The following CELF2 variants were observed in gnomAD, a reference collection of about 807,000 sequenced individuals.
CELF2 encodes the protein CUGBP Elav-like family member 2.
CELF2 carries 8 observed loss-of-function variants against 62.6 expected under a neutral mutation model. The observed-to-expected ratio is 0.13, with a 90% CI of 0.07 to 0.23. CELF2 has a LOEUF of 0.23. Ranked by LOEUF, CELF2 falls within the 10% of genes least tolerant of loss-of-function variation. The pLI, the probability that CELF2 is intolerant of heterozygous loss-of-function variation, is 1.00. For synonymous variants in CELF2, 258 were observed against 250.0 expected (o/e 1.03, Z -0.30); for missense variants, 333 against 671.0 (o/e 0.50, Z 5.56).
At chr10:10,829,213 C>T (rs567980362) in intron 1 of CELF2, among the ~76,000 whole-genome samples, 22 of 152,168 alleles carry the variant, frequency 1.4e-4, no homozygotes, top group Non-Finnish European at 2.6e-4. Flanking sequence ...TTCTTCTTCT[C>T]CGCTTTTGAT....
chr10:10,997,297 A>G lies in CELF2; in HGVS notation c.89+77298A>G, dbSNP rs1316269887. Among the ~76,000 whole-genome samples the G allele has an allele frequency of 6.6e-6, 1 of 152,214 alleles. No individual in the cohort carries two copies. Among genetic ancestry groups the G allele is most frequent in the African/African-American group, 2.4e-5 (1 of 41,462 alleles). On this transcript the variant is annotated intron_variant, in intron 2 of 13. Coordinates refer to the CELF2 transcript ENST00000636488. The surrounding 1 kb of genome is among the most constrained non-coding windows in gnomAD (Gnocchi z 5.3). ...AGCCTGAGCAACAGAGCAAGACACC[A>G]TCTCTGAAAAAGTATAAAAAATGAA...
intron 1 of CELF2, among the ~76,000 whole-genome samples, chr10:11,081,776 A>C (rs1423504663): frequency 6.6e-6 from 1 of 152,126 alleles, no homozygotes; most frequent in Non-Finnish European, 1.5e-5. Context: ...AAGGGTTTCT[A>C]GTGTGTATCA....
the CELF2 span, among the ~76,000 whole-genome samples, chr10:10,768,403 G>T: frequency 2.6e-5 from 4 of 152,044 alleles, no homozygotes; most frequent in Admixed American, 6.5e-5. Flanking sequence ...AGTTTGGTTG[G>T]AGCCATGCAG....
the CELF2 span, among the ~76,000 whole-genome samples, chr10:10,501,065 A>G: frequency 6.6e-6 from 1 of 152,224 alleles, no homozygotes; most frequent in Non-Finnish European, 1.5e-5. Context: ...GCTATGATGA[A>G]TTAAGCTGCT....
intron 1 of CELF2, 68 bp downstream of exon 1, chr10:11,018,231 G>GC (rs1255924422): frequency 7.3e-7 from 1 of 1,378,120 alleles, no homozygotes; most frequent in African/African-American, 1.5e-5. Flanking sequence ...GGCGCGAAGG[G>GC]GACGGGCGTC....
At chr10:10,607,121 T>G in the CELF2 span, among the ~76,000 whole-genome samples, 1 of 152,200 alleles carries the variant, frequency 6.6e-6, no homozygotes, top group African/African-American at 2.4e-5. Flanking sequence ...CAAGAGCAAT[T>G]TTGTTTCCTT....
chr10:11,263,620 G>A (rs1371004116), intron 5 of CELF2, among the ~76,000 whole-genome samples: 1 of 152,158 alleles, frequency 6.6e-6, no homozygotes, highest in Non-Finnish European at 1.5e-5. Flanking sequence ...GTAGAAAGGG[G>A]ACAGTTACAA....
At chr10:10,634,010 A>T in the CELF2 span, among the ~76,000 whole-genome samples, 2 of 152,090 alleles carry the variant, frequency 1.3e-5, no homozygotes, top group African/African-American at 4.8e-5. Flanking sequence ...ATTAAGTGTT[A>T]GAGCTTACTT....
At chr10:10,768,344 G>A in the CELF2 span, among the ~76,000 whole-genome samples, 2 of 152,098 alleles carry the variant, frequency 1.3e-5, no homozygotes, top group South Asian at 4.2e-4. Context: ...TGGTAATGTG[G>A]CAGGGACACA....
the CELF2 span, among the ~76,000 whole-genome samples, chr10:10,537,565 C>T: frequency 2.6e-5 from 4 of 152,096 alleles, no homozygotes; most frequent in African/African-American, 2.4e-5. Context: ...TACTTCATAA[C>T]GACCTGGAGG....
chr10:11,330,904 T>TTAAG lies in CELF2; in HGVS notation c.*1853_*1856dup, dbSNP rs886656861. Reference sequence around the variant, plus strand: ...AGTTTGAGAAAAAAACTGTCTGATTTTAAGTCTCTAGAGGTCTGTAATAGT... The same window carrying TTAAG: ...AGTTTGAGAAAAAAACTGTCTGATTTTAAGTAAGTCTCTAGAGGTCTGTAATAGT... On this transcript the variant is annotated 3_prime_UTR_variant, in exon 13 of 13. Coordinates refer to ENST00000633077, the MANE Select transcript of CELF2 (RefSeq NM_001326342.2). This position sits in a 1 kb window ranked among gnomAD's most constrained non-coding sequence, Gnocchi z 4.5. The TTAAG allele has an allele frequency of 1.8e-4, 28 of 152,616 alleles. No homozygotes were observed. The highest frequency in any genetic ancestry group is 5.9e-5 in the Non-Finnish European group (4 of 68,038). 9.5% of individuals were successfully genotyped at this position (152,616 alleles called of 1,614,324 possible). A position where few individuals can be genotyped will look rare whatever the true frequency, so the allele number is the denominator to read the frequency against.
the CELF2 span, among the ~76,000 whole-genome samples, chr10:10,548,722 A>G: frequency 1.3e-5 from 2 of 152,216 alleles, no homozygotes; most frequent in African/African-American, 4.8e-5. Flanking sequence ...ATAGTCATAA[A>G]TAAATGTGTA....
the CELF2 span, among the ~76,000 whole-genome samples, chr10:10,596,085 C>A: frequency 2.0e-5 from 3 of 152,166 alleles, no homozygotes; most frequent in South Asian, 6.2e-4. Flanking sequence ...AAGCAAGAAC[C>A]CTTGTGGGCT....
At chr10:10,992,454 A>C (rs767903040) in intron 2 of CELF2, among the ~76,000 whole-genome samples, 27 of 152,216 alleles carry the variant, frequency 1.8e-4, no homozygotes, top group African/African-American at 3.6e-4. Flanking sequence ...CCCAATGTCA[A>C]TGTAGTGGGG....
At chr10:11,144,437 G>A (rs645115) in intron 1 of CELF2, among the ~76,000 whole-genome samples, 152,243 of 152,308 alleles carry the variant, frequency 1, 76,089 homozygotes, top group Middle Eastern at 1. Context: ...GCAACAGACT[G>A]TATGTAGTTT....
At chr10:10,582,201 T>A in the CELF2 span, among the ~76,000 whole-genome samples, 7 of 152,232 alleles carry the variant, frequency 4.6e-5, no homozygotes, top group East Asian at 3.9e-4. Context: ...TGGCCCGCAC[T>A]TGTGAATCCC....
intron 1 of CELF2, among the ~76,000 whole-genome samples, chr10:11,028,411 CTTTTCTTTTTCTT>C (rs1172070604): frequency 9.3e-5 from 12 of 129,578 alleles, no homozygotes; most frequent in Admixed American, 8.6e-4. Flanking sequence ...TTTTTCTTTT[CTTTTCTTTTTCTT>C]TTTTTTTTTT....
rs34888029 is a variant in CELF2 at position 11,260,315 on chromosome 10, C to T, written c.538+2443C>T. Among the ~76,000 whole-genome samples the T allele has an allele frequency of 6.6e-6, 1 of 152,324 alleles. No homozygotes were observed. Among genetic ancestry groups the T allele is most frequent in the East Asian group, 1.9e-4 (1 of 5,190 alleles). ...CTCCCCGTCTGCTGGCCTGGCTGAT[C>T]TAGGCAGTGACTCTCTGGCACATTT... is the stretch of plus-strand genomic sequence containing the variant. On this transcript the variant is annotated intron_variant, in intron 5 of 12. Transcript: ENST00000633077. The surrounding 1 kb of genome is among the most constrained non-coding windows in gnomAD (Gnocchi z 4.2).
chr10:10,833,463 A>G (rs1017405563), intron 1 of CELF2, among the ~76,000 whole-genome samples: 39 of 152,340 alleles, frequency 2.6e-4, no homozygotes, highest in East Asian at 5.8e-4. Flanking sequence ...GGCCAGGCCA[A>G]GAGTAAGACC....
Sources: gnomAD v4.1 joint callset for allele counts (sites outside exome capture counted in the v4.1 genomes callset) on GRCh38, gnomAD v4.1.1 for gene constraint, Gnocchi (gnomAD v3.1) non-coding constraint, MANE v1.5 for transcripts, NCBI Gene and HGNC (gene_info 2026-07-23, HGNC 2026-07-21) for gene names.